CDIN1: variants seen among roughly 807,000 people sequenced by gnomAD.
CDIN1 encodes the protein CDAN1 interacting nuclease 1.
CDIN1 carries 33 observed loss-of-function variants against 45.3 expected under a neutral mutation model. That is an observed-to-expected ratio of 0.73 (90% CI 0.55 to 0.97). The LOEUF is 0.97. Among genes scored for constraint, CDIN1 ranks in the 50% least tolerant of loss-of-function variants. The pLI, the probability that CDIN1 is intolerant of heterozygous loss-of-function variation, is 0.00. For synonymous variants in CDIN1, 118 were observed against 124.4 expected (o/e 0.95, Z 0.34); for missense variants, 303 against 339.4 (o/e 0.89, Z 0.84).
At chr15:36,657,791 C>A (rs1384699346) in intron 4 of CDIN1, 42 bp from the exon 5 acceptor site, 6 of 1,520,658 alleles carry the variant, frequency 3.9e-6, no homozygotes, top group Non-Finnish European at 5.4e-6. Context: ...CCACTGCTCG[C>A]ACAACTTGAT....
At chr15:36,606,870 A>G (rs1312314229) in intron 1 of CDIN1, among the ~76,000 whole-genome samples, 1 of 152,116 alleles carries the variant, frequency 6.6e-6, no homozygotes, top group Non-Finnish European at 1.5e-5. Context: ...TTTTTGTACA[A>G]TTAGGGGGTG....
At chr15:36,760,835 A>G (rs1367382054) in intron 10 of CDIN1, among the ~76,000 whole-genome samples, 2 of 152,208 alleles carry the variant, frequency 1.3e-5, no homozygotes, top group East Asian at 3.8e-4. Flanking sequence ...AAGGGATCAC[A>G]GAGTTTTAAG....
At chr15:36,755,787 G>C (rs930627951) in intron 10 of CDIN1, among the ~76,000 whole-genome samples, 3 of 152,078 alleles carry the variant, frequency 2.0e-5, no homozygotes, top group Admixed American at 6.6e-5. Flanking sequence ...TTAAGATTGC[G>C]GTCAGCAAAC....
At chr15:36,779,444 A>G (rs1195558242) in intron 10 of CDIN1, among the ~76,000 whole-genome samples, 1 of 152,170 alleles carries the variant, frequency 6.6e-6, no homozygotes, top group Non-Finnish European at 1.5e-5. Flanking sequence ...TATAGCCCAA[A>G]GACAGATTTC....
At chr15:36,614,161 G>A (rs1391820641) in intron 1 of CDIN1, 2 of 701,454 alleles carry the variant, frequency 2.9e-6, no homozygotes, top group Non-Finnish European at 5.3e-6. Context: ...TGTACACAGA[G>A]GTTGCTGGAC....
intron 10 of CDIN1, among the ~76,000 whole-genome samples, chr15:36,747,412 TAA>T (rs1372218612): frequency 6.6e-6 from 1 of 152,238 alleles, no homozygotes; most frequent in East Asian, 1.9e-4. Context: ...CTCTTTTTTA[TAA>T]GTGAACTTTT....
chr15:36,770,741 G>A (rs535953394), intron 10 of CDIN1, among the ~76,000 whole-genome samples: 15 of 152,232 alleles, frequency 9.9e-5, no homozygotes, highest in Admixed American at 6.5e-4. Flanking sequence ...GAGCCACCAC[G>A]CCGAGCCTCT....
chr15:36,617,469 A>G lies in CDIN1; in HGVS notation c.102-26809A>G, dbSNP rs2582352. ...TAAAAGAATGTCTAAAGAAACAATT[A>G]GAATTCTGGTTTTCACGAGAAAATT... On this transcript the variant is annotated intron_variant, in intron 1 of 10. Coordinates refer to ENST00000566621, the MANE Select transcript of CDIN1 (RefSeq NM_001321759.2). 781 of 956,002 alleles carry G rather than the reference A, an allele frequency of 8.2e-4. 4 individuals carry two copies. The African/African-American group carries it at 0.011, about 13-fold the overall frequency. 59.2% of individuals were successfully genotyped at this position (956,002 alleles called of 1,614,324 possible).
intron 1 of CDIN1, among the ~76,000 whole-genome samples, chr15:36,626,194 A>C (rs1566844463): frequency 6.7e-6 from 1 of 148,714 alleles, no homozygotes; most frequent in Non-Finnish European, 1.5e-5. Flanking sequence ...TATTCAAATC[A>C]TTTTTTTTTT....
At chr15:36,771,648 GA>G (rs978397283) in intron 10 of CDIN1, among the ~76,000 whole-genome samples, 1 of 152,214 alleles carries the variant, frequency 6.6e-6, no homozygotes, top group Non-Finnish European at 1.5e-5. Context: ...TCAGGCAGGT[GA>G]AAGAAGACAG....
chr15:36,631,801 T>G (rs80141975), intron 1 of CDIN1, among the ~76,000 whole-genome samples: 1,753 of 152,284 alleles, frequency 0.012, 15 homozygotes, highest in Non-Finnish European at 0.017. Flanking sequence ...ATATGATAAC[T>G]GTGTTTTTTA....
At chr15:36,784,275 C>T (rs1817029654) in intron 10 of CDIN1, among the ~76,000 whole-genome samples, 1 of 152,054 alleles carries the variant, frequency 6.6e-6, no homozygotes, top group Non-Finnish European at 1.5e-5. Flanking sequence ...TTAGCAGGGG[C>T]TCAGTAAAGA....
At chr15:36,646,482 A>G (rs1181130325) in intron 3 of CDIN1, among the ~76,000 whole-genome samples, 1 of 126,016 alleles carries the variant, frequency 7.9e-6, no homozygotes, top group Admixed American at 8.7e-5. Context: ...TCTCTAAACA[A>G]GACTTTGTAA....
intron 10 of CDIN1, among the ~76,000 whole-genome samples, chr15:36,788,587 G>C (rs775883895): frequency 6.6e-5 from 10 of 152,062 alleles, no homozygotes; most frequent in Non-Finnish European, 1.3e-4. Context: ...AAAATAGCTT[G>C]TCAGAAGGTG....
intron 10 of CDIN1, among the ~76,000 whole-genome samples, chr15:36,728,909 G>A (rs2043740286): frequency 6.6e-6 from 1 of 151,944 alleles, no homozygotes; most frequent in African/African-American, 2.4e-5. Flanking sequence ...CCTGACCTCA[G>A]GTGATCCTCC....
intron 1 of CDIN1, among the ~76,000 whole-genome samples, chr15:36,601,630 A>G (rs778000078): frequency 6.6e-6 from 1 of 152,196 alleles, no homozygotes; most frequent in Admixed American, 6.5e-5. Context: ...TGAGGTCACA[A>G]ATATGGCAGT....
chr15:36,702,153 G>A, intron 8 of CDIN1: 1 of 701,762 alleles, frequency 1.4e-6, no homozygotes, highest in South Asian at 1.5e-5. Context: ...AGATGGCTGG[G>A]TATTTCATAA....
intron 3 of CDIN1, among the ~76,000 whole-genome samples, chr15:36,648,090 C>T (rs1404858939): frequency 3.3e-5 from 5 of 152,108 alleles, no homozygotes; most frequent in Non-Finnish European, 1.5e-5. Context: ...CCGGCCGCCT[C>T]GGCCTCCCAA....
At chr15:36,742,454 T>C (rs982692728) in intron 10 of CDIN1, among the ~76,000 whole-genome samples, 2 of 152,196 alleles carry the variant, frequency 1.3e-5, no homozygotes, top group Admixed American at 6.5e-5. Context: ...AATCAGTACA[T>C]TGAGTTTTGA....
Sources: allele counts gnomAD v4.1 joint callset (sites outside exome capture counted in the v4.1 genomes callset), GRCh38; gene constraint gnomAD v4.1.1; transcripts MANE v1.5; gene names NCBI Gene and HGNC (gene_info 2026-07-23, HGNC 2026-07-21).